The following ATP13A1 variants were observed in gnomAD, a reference collection of about 807,000 sequenced individuals.
The protein encoded by ATP13A1 is endoplasmic reticulum transmembrane helix translocase.
Under a neutral mutation model 134.8 loss-of-function variants are expected in ATP13A1, and 55 were observed. That is an observed-to-expected ratio of 0.41 (90% CI 0.33 to 0.51). The LOEUF is 0.51. Among genes scored for constraint, ATP13A1 ranks in the 20% least tolerant of loss-of-function variants. The pLI is 0.29. For missense variants in ATP13A1, 1,389 were observed against 1,652.8 expected (o/e 0.84, Z 2.77); for synonymous variants, 775 against 725.1 (o/e 1.07, Z -1.10).
intron 12 of ATP13A1, among the ~76,000 whole-genome samples, 169 bp from the exon 13 acceptor site, chr19:19,654,869 G>A (rs2062047283): frequency 6.6e-6 from 1 of 152,238 alleles, no homozygotes. Flanking sequence ...GATGCCCCCA[G>A]AAGCCAGGCA....
intron 4 of ATP13A1, 36 bp downstream of exon 4, chr19:19,657,300 A>C (rs1284266446): frequency 6.5e-7 from 1 of 1,548,112 alleles, no homozygotes. Context: ...GCCCCAAGGG[A>C]GGAAATGGGG....
Position 19,663,595 on chromosome 19 carries a change from C to T in ATP13A1, c.72G>A (p.Gly24=). The T allele has an allele frequency of 2.1e-6, 3 of 1,436,854 alleles. No individual in the cohort carries two copies. The highest frequency in any genetic ancestry group is 1.8e-6 in the Non-Finnish European group (2 of 1,106,078). 89.0% of individuals were successfully genotyped at this position (1,436,854 alleles called of 1,614,324 possible). A position where few individuals can be genotyped will look rare whatever the true frequency, so the allele number is the denominator to read the frequency against. ...GCGGCTGCGGCCCGGGCTTGGGCTG[C>T]CCGTCAGGCCGGACCCCGCAAGGCC... ...GARPCGVRPD[G]QPKPGPQPRA... The change falls in exon 1 of 26, where the codon GGG becomes GGA. Residue 24 remains glycine (G), a synonymous_variant. Transcript: ENST00000357324.
At position 19,657,393 on chromosome 19, in the gene ATP13A1, C is replaced by A; in HGVS notation, c.693G>T (p.Val231=). The A allele has an allele frequency of 1.3e-6, 2 of 1,571,316 alleles. No individual in the cohort carries two copies. Among genetic ancestry groups the A allele is most frequent in the Non-Finnish European group, 1.7e-6 (2 of 1,157,876 alleles). ...CCTTGAAAAGCTCCGAGAAGTCAGG[C>A]ACCACCATCTCGGCCCTGCAAGAGA... The part of the protein sequence containing the change: ...KFGSNKAEMV[V]PDFSELFKER... The change falls in exon 4 of 26, where the codon GTG becomes GTT. Residue 231 remains valine (V), a synonymous_variant. Transcript: ENST00000357324.
At chr19:19,652,317 C>CA (rs1481621777) in intron 16 of ATP13A1, among the ~76,000 whole-genome samples, 1 of 152,216 alleles carries the variant, frequency 6.6e-6, no homozygotes, top group African/African-American at 2.4e-5. Context: ...TCCTTCTCTC[C>CA]AGGACGGCGG....
At chr19:19,649,048 G>A (rs1421772895) in intron 19 of ATP13A1, among the ~76,000 whole-genome samples, 2 of 152,114 alleles carry the variant, frequency 1.3e-5, no homozygotes, top group African/African-American at 4.8e-5. Flanking sequence ...CTTGAACCCG[G>A]GAGATGGAGG....
chr19:19,648,957 A>C (rs998618704), intron 19 of ATP13A1, among the ~76,000 whole-genome samples: 2 of 151,762 alleles, frequency 1.3e-5, no homozygotes, highest in Non-Finnish European at 2.9e-5. Context: ...CCCCATCTCT[A>C]CTAAAAATAC....
At chr19:19,650,264 G>A (rs2062015643) in intron 17 of ATP13A1, 1 of 442,294 alleles carries the variant, frequency 2.3e-6, no homozygotes, top group Non-Finnish European at 4.1e-6. Flanking sequence ...CACAGAAGGG[G>A]GCTATTGCGC....
In ATP13A1 at chr19:19,654,640, G is replaced by A; in HGVS notation, c.1716C>T (p.Ala572=). ...CCAGCTGCATGAGCGAGTGGCACGAGGCCAGGGCCCGGTGTGTTTCTACAG... is the reference window on the plus strand; with the variant it reads ...CCAGCTGCATGAGCGAGTGGCACGAAGCCAGGGCCCGGTGTGTTTCTACAG... The part of the protein sequence containing the change: ...SIPVETHRAL[A]SCHSLMQLDD... Residue 572 remains alanine, a synonymous_variant, in exon 13 of 26, where the codon GCC becomes GCT. Coordinates refer to ENST00000357324, the MANE Select transcript of ATP13A1 (RefSeq NM_020410.3). The A allele has an allele frequency of 6.2e-7, 1 of 1,613,654 alleles. No individual in the cohort carries two copies.
intron 15 of ATP13A1, chr19:19,652,985 C>T (rs1224022386): frequency 4.3e-6 from 2 of 465,980 alleles, no homozygotes; most frequent in Non-Finnish European, 7.7e-6. Context: ...ATCACAGAGT[C>T]CCTTGTGGCT....
intron 1 of ATP13A1, among the ~76,000 whole-genome samples, chr19:19,661,073 C>A (rs986955628): frequency 4.0e-5 from 6 of 148,550 alleles, no homozygotes; most frequent in African/African-American, 1.5e-4. Context: ...AGCCAGACTC[C>A]ATCTCAAAAA....
chr19:19,647,899 C>A lies in ATP13A1; in HGVS notation c.2633-140G>T. On this transcript the variant is annotated intron_variant, in intron 19 of 25. Coordinates refer to ENST00000357324, the MANE Select transcript of ATP13A1 (RefSeq NM_020410.3). This position sits in a 1 kb window ranked among gnomAD's most constrained non-coding sequence, Gnocchi z 4.8. ...CCAGACTTCCCCATTTCACCTGACA[C>A]CCTAAGGAGACCTCAGAGAGTGCCC... The A allele has an allele frequency of 1.8e-6, 2 of 1,121,360 alleles. No homozygotes were observed. Among genetic ancestry groups the A allele is most frequent in the Non-Finnish European group, 2.5e-6 (2 of 812,396 alleles). The allele number at this position is 1,121,360 out of a possible 1,614,324, so 69.5% of individuals were successfully genotyped here.
chr19:19,647,382 G>A lies in ATP13A1; in HGVS notation c.2908+32C>T, dbSNP rs774666237. The A allele has an allele frequency of 1.9e-6, 3 of 1,595,056 alleles. No homozygotes were observed. Among genetic ancestry groups the A allele is most frequent in the Non-Finnish European group, 2.6e-6 (3 of 1,166,730 alleles). ...TGGGTAGGGGTGCCAAGGGGGGAAT[G>A]AAGGGAGGGGGAGCGGGGGCAGGCA... is the stretch of plus-strand genomic sequence containing the variant. On this transcript the variant is annotated intron_variant, in intron 21 of 25. Transcript: ENST00000357324. This position sits in a 1 kb window ranked among gnomAD's most constrained non-coding sequence, Gnocchi z 4.8.
Position 19,656,122 on chromosome 19 carries a change from T to C in ATP13A1, c.1145A>G (p.His382Arg). ...VLDLQADSRL[H>R]VIFGGTKVVQ... ...CACCTTGGTGCCCCCGAAGATGACG[T>C]GCAGCCGGGAATCAGCCTGGAGGTC... Residue 382 changes from histidine to arginine, a missense_variant, in exon 8 of 26, where the codon CAC becomes CGC. By Grantham distance (29) the His-to-Arg change is conservative (BLOSUM62 0). Coordinates refer to ENST00000357324, the MANE Select transcript of ATP13A1 (RefSeq NM_020410.3). This position sits in a 1 kb window ranked among gnomAD's most constrained non-coding sequence, Gnocchi z 4.6. 1 of 1,613,726 alleles carries C rather than the reference T, an allele frequency of 6.2e-7. No homozygotes were observed. The highest frequency in any genetic ancestry group is 8.5e-7 in the Non-Finnish European group (1 of 1,179,772).
In ATP13A1 at chr19:19,647,376, G is replaced by A. The variant is rs749649559; in HGVS notation, c.2908+38C>T. ...TGGGTGTGGGTAGGGGTGCCAAGGG[G>A]GGAATGAAGGGAGGGGGAGCGGGGG... On this transcript the variant is annotated intron_variant, in intron 21 of 25. Transcript: ENST00000357324. This position sits in a 1 kb window ranked among gnomAD's most constrained non-coding sequence, Gnocchi z 4.8. The A allele has an allele frequency of 3.0e-5, 49 of 1,606,716 alleles. No individual in the cohort carries two copies. The highest frequency in any genetic ancestry group is 3.7e-5 in the Non-Finnish European group (44 of 1,175,556).
chr19:19,651,553 G>T, intron 17 of ATP13A1, 136 bp downstream of exon 17: 1 of 631,810 alleles, frequency 1.6e-6, no homozygotes, highest in Admixed American at 3.3e-5. Flanking sequence ...CAGTGGGCCA[G>T]GGCTGTGATT....
At position 19,661,788 on chromosome 19, in the gene ATP13A1, G is replaced by C. The variant is rs144971900; in HGVS notation, c.396+1483C>G. Among the ~76,000 whole-genome samples, 62 of 152,332 alleles carry C rather than the reference G, an allele frequency of 4.1e-4. No homozygotes were observed. The East Asian group carries it at 0.012, about 28-fold the overall frequency. On this transcript the variant is annotated intron_variant, in intron 1 of 25. Transcript: ENST00000357324. ...TGCATGGAGATGGGGGGAGCACAAT[G>C]ATGACCCGCAGAAACAAAGCGCCAC...
chr19:19,650,242 T>C, intron 17 of ATP13A1: 1 of 502,762 alleles, frequency 2.0e-6, no homozygotes, highest in Non-Finnish European at 3.6e-6. Flanking sequence ...CAAGGCCCCC[T>C]AACCTGAAAC....
At chr19:19,652,514 C>T in intron 16 of ATP13A1, 81 bp downstream of exon 16, 2 of 1,503,274 alleles carry the variant, frequency 1.3e-6, no homozygotes, top group Non-Finnish European at 1.8e-6. Flanking sequence ...CTTGGGTGCC[C>T]ACCCCTACCA....
chr19:19,659,048 G>A lies in ATP13A1; in HGVS notation c.677+553C>T, dbSNP rs576660378. Reference sequence around the variant, plus strand: ...CTCAAGGTCTCACACCCCAGGGCACGGGCTTCCAGCTGCAGACCCTCTGGG... The same window carrying A: ...CTCAAGGTCTCACACCCCAGGGCACAGGCTTCCAGCTGCAGACCCTCTGGG... On this transcript the variant is annotated intron_variant, in intron 3 of 25. Transcript: ENST00000357324. Among the ~76,000 whole-genome samples the A allele has an allele frequency of 2.4e-4, 36 of 152,334 alleles. No individual in the cohort carries two copies. The Middle Eastern group carries it at 0.01, about 43-fold the overall frequency.
Sources: allele counts gnomAD v4.1 joint callset (sites outside exome capture counted in the v4.1 genomes callset), GRCh38; gene constraint gnomAD v4.1.1; non-coding constraint Gnocchi (gnomAD v3.1); transcripts MANE v1.5; gene names NCBI Gene and HGNC (gene_info 2026-07-23, HGNC 2026-07-21).